ZC3H13: variants seen among roughly 807,000 people sequenced by gnomAD.
The protein encoded by ZC3H13 is zinc finger CCCH domain-containing protein 13.
In ZC3H13, 64 loss-of-function variants were observed where a neutral mutation model predicts 204.1. The observed-to-expected ratio is 0.31, with a 90% CI of 0.26 to 0.39. The LOEUF (loss-of-function observed/expected upper bound fraction) is 0.39, where lower values mean the gene tolerates loss of function less well. ZC3H13 is among the 10% of genes least tolerant of loss of function. The pLI, the probability that ZC3H13 is intolerant of heterozygous loss-of-function variation, is 1.00. For missense variants in ZC3H13, 1,833 were observed against 2,082.7 expected (o/e 0.88, Z 2.33); for synonymous variants, 667 against 693.7 (o/e 0.96, Z 0.60).
At chr13:45,958,058 C>G (rs1396343545) in intron 18 of ZC3H13, among the ~76,000 whole-genome samples, 1 of 152,152 alleles carries the variant, frequency 6.6e-6, no homozygotes, top group Non-Finnish European at 1.5e-5. Flanking sequence ...TGTAGTGATT[C>G]TGTCAAAAGT....
rs1249977374 is a variant in ZC3H13, at chr13:46,042,254, C to A, written c.249G>T (p.Gly83=). 6.2e-7 allele frequency: 1 copy of A among 1,612,628 alleles called. No individual in the cohort carries two copies. Among genetic ancestry groups the A allele is most frequent in the South Asian group, 1.1e-5 (1 of 90,970 alleles). The stretch of plus-strand genomic sequence containing the variant: ...TGTTCTTCATTCTTTCTCTAAGATC[C>A]CCTGTAGGTCTTTCTGGTGACCTTT... The part of the protein sequence containing the change: ...NYRRSPERPT[G]DLRERMKNKR... The change falls in exon 4 of 19, where the codon GGG becomes GGT. Residue 83 remains glycine, a synonymous_variant. Transcript: ENST00000679008.
At chr13:46,009,893 T>C (rs141196394) in intron 7 of ZC3H13, among the ~76,000 whole-genome samples, 2 of 152,230 alleles carry the variant, frequency 1.3e-5, no homozygotes, top group Non-Finnish European at 2.9e-5. Context: ...AAATTTATAA[T>C]ATAAATACTA....
At chr13:45,997,828 A>G (rs1029597499) in intron 8 of ZC3H13, among the ~76,000 whole-genome samples, 1 of 150,812 alleles carries the variant, frequency 6.6e-6, no homozygotes, top group African/African-American at 2.4e-5. Flanking sequence ...TACTTGAAGG[A>G]AAAAAAAACA....
chr13:46,036,408 A>T (rs2043213734), intron 4 of ZC3H13, among the ~76,000 whole-genome samples: 1 of 152,180 alleles, frequency 6.6e-6, no homozygotes, highest in South Asian at 2.1e-4. Context: ...ATCTTAAATA[A>T]ATTCAGGATA....
At chr13:46,022,641 T>C (rs2042288646) in intron 4 of ZC3H13, among the ~76,000 whole-genome samples, 1 of 151,926 alleles carries the variant, frequency 6.6e-6, no homozygotes, top group African/African-American at 2.4e-5. Flanking sequence ...TCCTGGAACA[T>C]CTAAGTCTTG....
intron 8 of ZC3H13, chr13:46,001,078 G>A (rs565238507): frequency 6.6e-6 from 1 of 152,244 alleles, no homozygotes; most frequent in South Asian, 2.1e-4. Flanking sequence ...GACAATTACT[G>A]ATCACAGTCC....
At chr13:45,961,566 G>GGGGAGATGTGGGGGTC (rs1951689291) in intron 17 of ZC3H13, among the ~76,000 whole-genome samples, 2 of 136,248 alleles carry the variant, frequency 1.5e-5, no homozygotes, top group Admixed American at 1.5e-4. Context: ...ATGTGGGGGT[G>GGGGAGATGTGGGGGTC]GGGAGATGTG....
chr13:46,003,502 GAATT>G (rs1323518408), intron 7 of ZC3H13, among the ~76,000 whole-genome samples, 166 bp from the exon 8 acceptor site: 13 of 152,038 alleles, frequency 8.6e-5, no homozygotes, highest in Non-Finnish European at 1.5e-4. Context: ...AATGGCTGAA[GAATT>G]AATTTACTTG....
chr13:45,967,910 A>G lies in ZC3H13; in HGVS notation c.3915T>C (p.Tyr1305=), dbSNP rs776774667. The change falls in exon 15 of 19, where the codon TAT becomes TAC. Residue 1305 remains tyrosine, a synonymous_variant. Transcript: ENST00000679008. ...CTCTCTCGCGCTCTCTGTCGTGTTC[A>G]TATCGATCTCGTTCTTGAAGCCTGT... ...SRDRLQERDR[Y]EHDRERERER... is the part of the protein sequence containing the mutation. 6.8e-6 allele frequency: 11 copies of G among 1,613,878 alleles called. No individual in the cohort carries two copies. Among genetic ancestry groups the G allele is most frequent in the East Asian group, 4.5e-5 (2 of 44,870 alleles).
intron 12 of ZC3H13, among the ~76,000 whole-genome samples, chr13:45,972,001 G>C (rs1450119304): frequency 6.6e-6 from 1 of 151,924 alleles, no homozygotes; most frequent in Non-Finnish European, 1.5e-5. Flanking sequence ...AAAAAAAACA[G>C]GAGATGTTAG....
At chr13:46,018,865 AAAAG>A (rs1205567896) in intron 5 of ZC3H13, among the ~76,000 whole-genome samples, 3 of 152,302 alleles carry the variant, frequency 2.0e-5, no homozygotes, top group African/African-American at 7.2e-5. Flanking sequence ...AATTAAAATG[AAAAG>A]AAAGGATGCT....
intron 4 of ZC3H13, among the ~76,000 whole-genome samples, chr13:46,024,748 G>A (rs772223325): frequency 6.8e-6 from 1 of 147,958 alleles, no homozygotes; most frequent in East Asian, 2.0e-4. Context: ...TTTCTTCTGG[G>A]TTTCCAACTA....
At position 46,024,034 on chromosome 13, in the gene ZC3H13, G is replaced by C. The variant is rs577638889; in HGVS notation, c.340-3477C>G. On this transcript the variant is annotated intron_variant, in intron 4 of 18. Coordinates refer to ENST00000679008, the MANE Select transcript of ZC3H13 (RefSeq NM_001330564.2). ...CTTCCTGAATCAATTGAATTAGCAA[G>C]GAGAATGGGATTATTCTAACTGGAT... Among the ~76,000 whole-genome samples the C allele has an allele frequency of 9.8e-5, 15 of 152,324 alleles. No homozygotes were observed. In the South Asian group the frequency reaches 3.1e-3, roughly 32 times the overall value.
intron 17 of ZC3H13, chr13:45,962,061 G>T: frequency 1.6e-6 from 1 of 612,932 alleles, no homozygotes; most frequent in African/African-American, 2.0e-5. Flanking sequence ...TAGACAAAAT[G>T]GAAAAGAAAA....
At chr13:46,024,903 T>C (rs1047656152) in intron 4 of ZC3H13, among the ~76,000 whole-genome samples, 2 of 152,198 alleles carry the variant, frequency 1.3e-5, no homozygotes, top group African/African-American at 4.8e-5. Context: ...TCTACACCAG[T>C]GCAATTAACT....
At chr13:46,039,954 C>T (rs1251596496) in intron 4 of ZC3H13, among the ~76,000 whole-genome samples, 2 of 152,032 alleles carry the variant, frequency 1.3e-5, no homozygotes, top group African/African-American at 2.4e-5. Context: ...AGTAGCGGTA[C>T]ATTTACTGGC....
chr13:46,033,756 G>A (rs1006492433), intron 4 of ZC3H13, among the ~76,000 whole-genome samples: 3 of 152,014 alleles, frequency 2.0e-5, no homozygotes, highest in Non-Finnish European at 2.9e-5. Context: ...CTGGGAATAC[G>A]TGATCTTCAG....
Position 45,985,596 on chromosome 13 carries a change from C to T in ZC3H13, c.1421G>A (p.Arg474Lys). The change falls in exon 10 of 19, where the codon AGA becomes AAA. Residue 474 changes from arginine to lysine, a missense_variant. This residue lies in a region of ZC3H13 where 1,574 missense variants were observed against 1,757.2 expected (regional missense o/e 0.90). Transcript: ENST00000679008. ...TRDRRELRDS[R>K]DMRDSREMRD... ...CATCTCCCTTGAGTCCCGCATGTCT[C>T]TGGAGTCTCTTAGTTCCCTTCGGTC... 1.9e-6 allele frequency: 3 copies of T among 1,614,010 alleles called. No individual in the cohort carries two copies. The highest frequency in any genetic ancestry group is 2.5e-6 in the Non-Finnish European group (3 of 1,180,006).
intron 10 of ZC3H13, among the ~76,000 whole-genome samples, chr13:45,980,958 A>G (rs1368696367): frequency 1.3e-5 from 2 of 152,344 alleles, no homozygotes; most frequent in South Asian, 2.1e-4. Context: ...TGGTTTTGAT[A>G]CTATGCTATA....
Sources: gnomAD v4.1 joint callset for allele counts (sites outside exome capture counted in the v4.1 genomes callset) on GRCh38, gnomAD v4.1.1 for gene constraint, gnomAD v4.1.1 regional missense constraint, MANE v1.5 for transcripts, NCBI Gene and HGNC (gene_info 2026-07-23, HGNC 2026-07-21) for gene names.